MINDY2: variants seen among roughly 807,000 people sequenced by gnomAD.
The protein encoded by MINDY2 is ubiquitin carboxyl-terminal hydrolase MINDY-2.
MINDY2 carries 52 observed loss-of-function variants against 68.2 expected under a neutral mutation model. That is an observed-to-expected ratio of 0.76 (90% CI 0.61 to 0.96). The LOEUF (loss-of-function observed/expected upper bound fraction) is 0.96, where lower values mean the gene tolerates loss of function less well. MINDY2 is among the 40% of genes least tolerant of loss of function. The probability of loss-of-function intolerance (pLI) is 0.00; values close to 1 mark genes in which losing one functional copy is unlikely to be tolerated. For missense variants in MINDY2, 881 were observed against 773.4 expected (o/e 1.14, Z -1.65); for synonymous variants, 372 against 303.0 (o/e 1.23, Z -2.36).
intron 5 of MINDY2, among the ~76,000 whole-genome samples, chr15:58,825,288 C>T (rs183049102): frequency 2.0e-5 from 3 of 152,272 alleles, no homozygotes; most frequent in Non-Finnish European, 4.4e-5. Context: ...CATTTGCTTT[C>T]CTTGATTCTA....
intron 3 of MINDY2, among the ~76,000 whole-genome samples, chr15:58,807,058 C>A (rs552181084): frequency 6.6e-6 from 1 of 152,214 alleles, no homozygotes; most frequent in South Asian, 2.1e-4. Context: ...TAAAACAGAA[C>A]TTCATTTTTG....
intron 1 of MINDY2, among the ~76,000 whole-genome samples, chr15:58,773,133 A>AG (rs1426284455): frequency 1.9e-5 from 2 of 103,534 alleles, no homozygotes; most frequent in East Asian, 1.6e-3. Context: ...AATGTTTCCT[A>AG]GGAAAAAAAA....
chr15:58,790,759 A>G (rs1294567974), intron 2 of MINDY2, among the ~76,000 whole-genome samples: 3 of 152,144 alleles, frequency 2.0e-5, no homozygotes, highest in Non-Finnish European at 4.4e-5. Flanking sequence ...GGAGTCAAGG[A>G]CTATCTCATT....
At position 58,854,467 on chromosome 15, in the gene MINDY2, A is replaced by G. The variant is rs775494585; in HGVS notation, c.1738-15A>G. 3 of 1,605,670 alleles carry G rather than the reference A, an allele frequency of 1.9e-6. No homozygotes were observed. The East Asian group carries it at 6.7e-5, about 36-fold the overall frequency. ...AATAGTTAGAGTAATTTCTTGCTGT[A>G]TATTTTTCTTAAAGCAGGGCCAGCC... On this transcript the variant is annotated splice_polypyrimidine_tract_variant and intron_variant, in intron 8 of 8. Transcript: ENST00000559228.
intron 6 of MINDY2, among the ~76,000 whole-genome samples, chr15:58,839,093 A>T (rs1304447922): frequency 6.6e-6 from 1 of 151,952 alleles, no homozygotes; most frequent in Admixed American, 6.6e-5. Context: ...AAGTTTTTTT[A>T]AATATTTATT....
intron 4 of MINDY2, 90 bp from the exon 5 acceptor site, chr15:58,821,627 A>G (rs2031065356): frequency 4.8e-6 from 3 of 627,612 alleles, no homozygotes; most frequent in Non-Finnish European, 7.2e-6. Context: ...TTAGTATTAT[A>G]TTAGAATAAA....
At chr15:58,782,981 G>A (rs998585017) in intron 1 of MINDY2, among the ~76,000 whole-genome samples, 36 of 132,328 alleles carry the variant, frequency 2.7e-4, no homozygotes, top group Non-Finnish European at 5.1e-4. Flanking sequence ...GTGCAGTGGC[G>A]TGATCTTTAC....
intron 2 of MINDY2, among the ~76,000 whole-genome samples, chr15:58,799,507 A>C (rs1254040449): frequency 6.7e-6 from 1 of 149,562 alleles, no homozygotes; most frequent in African/African-American, 2.5e-5. Context: ...TGAACCCGGG[A>C]GGCGGAGCTT....
intron 1 of MINDY2, among the ~76,000 whole-genome samples, chr15:58,779,948 T>C (rs1901026509): frequency 6.6e-6 from 1 of 152,224 alleles, no homozygotes; most frequent in Non-Finnish European, 1.5e-5. Flanking sequence ...GCCCAGGTGG[T>C]ACTAGCAATC....
intron 1 of MINDY2, among the ~76,000 whole-genome samples, chr15:58,779,693 C>T (rs1461060646): frequency 1.3e-5 from 2 of 152,166 alleles, no homozygotes; most frequent in African/African-American, 4.8e-5. Flanking sequence ...ACTTAAGTAA[C>T]ATTTTCTGAG....
At chr15:58,779,687 A>C (rs1184385885) in intron 1 of MINDY2, among the ~76,000 whole-genome samples, 1 of 152,222 alleles carries the variant, frequency 6.6e-6, no homozygotes, top group African/African-American at 2.4e-5. Context: ...CAAAAGACTT[A>C]AGTAACATTT....
At chr15:58,813,080 T>A (rs2030410178) in intron 4 of MINDY2, among the ~76,000 whole-genome samples, 1 of 152,228 alleles carries the variant, frequency 6.6e-6, no homozygotes, top group Non-Finnish European at 1.5e-5. Context: ...CATTTCATAC[T>A]CACCATAAGT....
chr15:58,814,210 G>C (rs1462286512), intron 4 of MINDY2, among the ~76,000 whole-genome samples: 3 of 152,104 alleles, frequency 2.0e-5, no homozygotes, highest in African/African-American at 7.2e-5. Context: ...AGAGTGCTGC[G>C]ATTACAGGCG....
chr15:58,812,232 TCG>T (rs1304437938), intron 4 of MINDY2, among the ~76,000 whole-genome samples: 2 of 151,316 alleles, frequency 1.3e-5, no homozygotes, highest in East Asian at 4.0e-4. Flanking sequence ...AGTCAGGAGT[TCG>T]AGATCAGTCT....
At chr15:58,796,672 G>A (rs560729979) in intron 2 of MINDY2, among the ~76,000 whole-genome samples, 3 of 152,020 alleles carry the variant, frequency 2.0e-5, no homozygotes, top group Admixed American at 6.6e-5. Context: ...TATAGGCACC[G>A]CCACCATGCC....
chr15:58,849,109 CT>C (rs2032686198), intron 7 of MINDY2, among the ~76,000 whole-genome samples: 1 of 151,882 alleles, frequency 6.6e-6, no homozygotes, highest in Non-Finnish European at 1.5e-5. Flanking sequence ...ACTCGGGAGG[CT>C]GAGGTGAGAG....
At chr15:58,836,483 T>C (rs1458197169) in intron 6 of MINDY2, among the ~76,000 whole-genome samples, 1 of 152,172 alleles carries the variant, frequency 6.6e-6, no homozygotes, top group Non-Finnish European at 1.5e-5. Context: ...CTATGGGCAT[T>C]TGGATGATTA....
chr15:58,823,689 CAAAAA>C (rs1477028257), intron 5 of MINDY2, among the ~76,000 whole-genome samples: 1 of 128,168 alleles, frequency 7.8e-6, no homozygotes, highest in East Asian at 2.8e-4. Context: ...CAAAACAAAA[CAAAAA>C]ACAGTATAGA....
chr15:58,822,576 GCC>G (rs1431388977), intron 5 of MINDY2, among the ~76,000 whole-genome samples: 1 of 152,108 alleles, frequency 6.6e-6, no homozygotes, highest in Non-Finnish European at 1.5e-5. Flanking sequence ...CAATATTAAA[GCC>G]CCATTCTGGA....
Sources: allele counts gnomAD v4.1 joint callset (sites outside exome capture counted in the v4.1 genomes callset), GRCh38; gene constraint gnomAD v4.1.1; transcripts MANE v1.5; gene names NCBI Gene and HGNC (gene_info 2026-07-23, HGNC 2026-07-21).